The following RAB28 variants were observed in gnomAD, a reference collection of about 807,000 sequenced individuals.
RAB28 encodes ras-related protein Rab-28.
A neutral mutation model predicts 31.7 loss-of-function variants in RAB28; 24 were observed. That is an observed-to-expected ratio of 0.76 (90% CI 0.55 to 1.06). The LOEUF (loss-of-function observed/expected upper bound fraction) is 1.06. RAB28 is among the 50% of genes least tolerant of loss of function. The pLI is 0.00. For synonymous variants in RAB28, 100 were observed against 90.4 expected, an observed-to-expected ratio of 1.11 and a Z score of -0.60; for missense variants, 254 against 258.5, an observed-to-expected ratio of 0.98 and a Z score of 0.12.
chr4:13,415,999 A>G (rs971613679), intron 4 of RAB28, among the ~76,000 whole-genome samples: 5 of 152,186 alleles, frequency 3.3e-5, no homozygotes, highest in Non-Finnish European at 7.4e-5. Context: ...GACACTCTGT[A>G]TCTAGCTACT....
At chr4:13,424,755 C>A (rs563992829) in intron 4 of RAB28, among the ~76,000 whole-genome samples, 43 of 152,286 alleles carry the variant, frequency 2.8e-4, no homozygotes, top group African/African-American at 8.2e-4. Flanking sequence ...TGAAGTTAAA[C>A]CCTCTTTTTG....
chr4:13,398,561 G>A (rs111651909), intron 4 of RAB28, among the ~76,000 whole-genome samples: 1 of 152,092 alleles, frequency 6.6e-6, no homozygotes, highest in Admixed American at 6.5e-5. Context: ...GGCGGATCAC[G>A]AGGTCAGGAG....
chr4:13,413,925 A>G (rs1476572870), intron 4 of RAB28, among the ~76,000 whole-genome samples: 2 of 152,186 alleles, frequency 1.3e-5, no homozygotes, highest in Non-Finnish European at 2.9e-5. Flanking sequence ...TCAGAGGGAA[A>G]CTACAGATTA....
intron 4 of RAB28, among the ~76,000 whole-genome samples, chr4:13,398,453 T>C (rs534852980): frequency 2.7e-4 from 41 of 152,234 alleles, no homozygotes; most frequent in African/African-American, 8.4e-4. Flanking sequence ...GACACTAGCA[T>C]ACCCTGGCAT....
At chr4:13,424,108 G>A (rs556482810) in intron 4 of RAB28, among the ~76,000 whole-genome samples, 10 of 152,236 alleles carry the variant, frequency 6.6e-5, no homozygotes, top group East Asian at 3.9e-4. Context: ...ATGAAAAAAC[G>A]AAAAGTTTTT....
intron 4 of RAB28, among the ~76,000 whole-genome samples, chr4:13,382,380 A>G (rs1314376195): frequency 6.6e-6 from 1 of 152,132 alleles, no homozygotes; most frequent in African/African-American, 2.4e-5. Context: ...TAAGGCAAAT[A>G]TATTCACAGG....
At chr4:13,478,503 G>A (rs1227637874) in intron 2 of RAB28, among the ~76,000 whole-genome samples, 2 of 151,220 alleles carry the variant, frequency 1.3e-5, no homozygotes, top group African/African-American at 4.8e-5. Flanking sequence ...TGATAGATGG[G>A]GTGTCTGAGA....
In RAB28 at chr4:13,475,320, A is replaced by C. The variant is rs755309890; in HGVS notation, c.173-914T>G. ...ACTATGCTTTTTAGTTGAACATTTT[A>C]AACTATTCCCCTCATATAATTATGC... On this transcript the variant is annotated intron_variant, in intron 2 of 6. Coordinates refer to ENST00000330852, the MANE Select transcript of RAB28 (RefSeq NM_001017979.3). Among the ~76,000 whole-genome samples, 264 of 151,708 alleles carry C rather than the reference A, an allele frequency of 1.7e-3. 1 individual carries two copies. Among genetic ancestry groups the C allele is most frequent in the Non-Finnish European group, 9.3e-4 (63 of 67,602 alleles).
At chr4:13,446,883 T>G (rs932542242) in intron 4 of RAB28, among the ~76,000 whole-genome samples, 2 of 152,156 alleles carry the variant, frequency 1.3e-5, no homozygotes, top group Admixed American at 6.5e-5. Context: ...TCCACATATA[T>G]GCTTAATAAG....
intron 4 of RAB28, among the ~76,000 whole-genome samples, chr4:13,405,737 G>A (rs540684503): frequency 6.6e-6 from 1 of 152,082 alleles, no homozygotes; most frequent in Non-Finnish European, 1.5e-5. Flanking sequence ...ATTACACTGT[G>A]AGAATTCAGA....
chr4:13,392,950 A>C (rs997835028), intron 4 of RAB28, among the ~76,000 whole-genome samples: 2 of 152,202 alleles, frequency 1.3e-5, no homozygotes, highest in African/African-American at 4.8e-5. Flanking sequence ...TAAATACACA[A>C]AAAGCAATGA....
rs575219686 is a variant in RAB28 at position 13,389,868 on chromosome 4, T to TA, written c.392-8275dup. On this transcript the variant is annotated intron_variant, in intron 4 of 6. Coordinates refer to ENST00000330852, the MANE Select transcript of RAB28 (RefSeq NM_001017979.3). ...CAACAAAATTCAACAACCTTCATGC[T>TA]AAAAAACTCTCAATAAACTGGGTAT... Among the ~76,000 whole-genome samples the TA allele has an allele frequency of 9.7e-3, 1,473 of 152,146 alleles. 29 individuals carry two copies. Among genetic ancestry groups the TA allele is most frequent in the African/African-American group, 0.033 (1,389 of 41,528 alleles).
chr4:13,422,284 T>C (rs1236879728), intron 4 of RAB28, among the ~76,000 whole-genome samples: 2 of 152,148 alleles, frequency 1.3e-5, no homozygotes, highest in East Asian at 3.9e-4. Flanking sequence ...ATAGGAACGC[T>C]TTTGCACTGT....
chr4:13,391,919 G>A (rs1278179872), intron 4 of RAB28, among the ~76,000 whole-genome samples: 1 of 151,896 alleles, frequency 6.6e-6, no homozygotes. Context: ...GTGGGGGGCT[G>A]GGGGAGGGAT....
intron 4 of RAB28, among the ~76,000 whole-genome samples, chr4:13,442,700 G>C (rs779214408): frequency 1.3e-5 from 2 of 152,002 alleles, no homozygotes; most frequent in African/African-American, 2.4e-5. Context: ...AGCAAGAATG[G>C]GAAGGACAAT....
At chr4:13,379,843 T>C (rs143126773) in intron 5 of RAB28, among the ~76,000 whole-genome samples, 1 of 152,126 alleles carries the variant, frequency 6.6e-6, no homozygotes, top group Non-Finnish European at 1.5e-5. Context: ...CCTCAAGCAA[T>C]GAGAAAGTTA....
intron 1 of RAB28, among the ~76,000 whole-genome samples, chr4:13,481,896 C>A (rs1271908237): frequency 1.3e-5 from 2 of 151,898 alleles, no homozygotes; most frequent in Non-Finnish European, 2.9e-5. Context: ...AGGCTGAGTT[C>A]ACAAAGAAAA....
At chr4:13,451,627 T>G (rs1714972840) in intron 4 of RAB28, among the ~76,000 whole-genome samples, 1 of 151,914 alleles carries the variant, frequency 6.6e-6, no homozygotes, top group African/African-American at 2.4e-5. Flanking sequence ...CCTATGTTTG[T>G]GAGGTCTTAT....
intron 6 of RAB28, among the ~76,000 whole-genome samples, 170 bp from the exon 7 acceptor site, chr4:13,368,820 A>ATTTT (rs200326808): frequency 4.0e-5 from 6 of 148,982 alleles, no homozygotes. Flanking sequence ...CAAAGAGTGG[A>ATTTT]TTTTTTTTTT....
Sources: gnomAD v4.1 joint callset for allele counts (sites outside exome capture counted in the v4.1 genomes callset) on GRCh38, gnomAD v4.1.1 for gene constraint, MANE v1.5 for transcripts, NCBI Gene and HGNC (gene_info 2026-07-23, HGNC 2026-07-21) for gene names.